Variants in LRRC9 observed in about 807,000 individuals in gnomAD.
The protein encoded by LRRC9 is leucine-rich repeat-containing protein 9.
LRRC9 carries 122 observed loss-of-function variants against 63.2 expected under a neutral mutation model. The ratio of observed to expected loss-of-function variants is 1.93; its 90% CI spans 1.67 to 2.24. LRRC9 has a LOEUF of 2.24. Ranked by LOEUF, LRRC9 falls within the 30% of genes most tolerant of loss-of-function variation. The pLI is 0.00. For synonymous variants in LRRC9, 366 were observed against 213.1 expected (o/e 1.72, Z -6.25); for missense variants, 1,071 against 627.7 (o/e 1.71, Z -7.55).
rs1470301522 is a variant in LRRC9 at position 59,964,046 on chromosome 14, C to A, written c.1212-2543C>A. On this transcript the variant is annotated intron_variant, in intron 10 of 31. Transcript: ENST00000445360. This position sits in a 1 kb window ranked among gnomAD's most constrained non-coding sequence, Gnocchi z 4.4. ...TTGTGAATGTTTATACCTTCAAGTA[C>A]CACTGAATGAATGAGGGTAAGGTAC... Among the ~76,000 whole-genome samples the A allele has an allele frequency of 6.6e-6, 1 of 152,024 alleles. No individual in the cohort carries two copies. Among genetic ancestry groups the A allele is most frequent in the Non-Finnish European group, 1.5e-5 (1 of 68,022 alleles).
chr14:59,971,177 G>C (rs1885451572), intron 12 of LRRC9, among the ~76,000 whole-genome samples: 1 of 152,012 alleles, frequency 6.6e-6, no homozygotes, highest in Non-Finnish European at 1.5e-5. Flanking sequence ...ACCATTTATT[G>C]AATAGGGGTT....
At position 60,003,239 on chromosome 14, in the gene LRRC9, A is replaced by G. The variant is rs1314061945; in HGVS notation, c.2665-382A>G. Among the ~76,000 whole-genome samples the G allele has an allele frequency of 6.6e-6, 1 of 152,202 alleles. No individual in the cohort carries two copies. ...TGGGCTGAGATGGTCAGGCCTTTAT[A>G]GGCTTCCATCACTGGCTGAGGGCCA... is the stretch of plus-strand genomic sequence containing the variant. On this transcript the variant is annotated intron_variant, in intron 20 of 31. Coordinates refer to ENST00000445360, the Ensembl canonical transcript of LRRC9. This position sits in a 1 kb window ranked among gnomAD's most constrained non-coding sequence, Gnocchi z 4.2.
chr14:60,022,569 T>G (rs1266524038), intron 26 of LRRC9, among the ~76,000 whole-genome samples, 165 bp from the exon 27 acceptor site: 1 of 151,802 alleles, frequency 6.6e-6, no homozygotes, highest in African/African-American at 2.4e-5. Context: ...GAATAAGTAT[T>G]ATTATATAAA....
chr14:59,972,955 T>C lies in LRRC9; in HGVS notation c.1507-1621T>C, dbSNP rs186177509. On this transcript the variant is annotated intron_variant, in intron 12 of 31. Transcript: ENST00000445360. ...CTGAAAAATTTTATTATAACACATT[T>C]GTTTTATTGAAATGTAACCATTTGT... 6.6e-4 allele frequency among the ~76,000 whole-genome samples: 100 copies of C among 152,264 alleles called. 4 individuals carry two copies. The Middle Eastern group carries it at 0.02, about 31-fold the overall frequency.
rs1049442195 is a variant in LRRC9 at position 59,958,896 on chromosome 14, G to A, written c.883-922G>A. Among the ~76,000 whole-genome samples, 1 of 152,218 alleles carries A rather than the reference G, an allele frequency of 6.6e-6. No individual in the cohort carries two copies. The highest frequency in any genetic ancestry group is 2.4e-5 in the African/African-American group (1 of 41,454). On this transcript the variant is annotated intron_variant, in intron 8 of 31. Transcript: ENST00000445360. The surrounding 1 kb of genome is among the most constrained non-coding windows in gnomAD (Gnocchi z 4.0). ...CTGCTCCTTGCACTTCCTGGGTGATGTGACACCCCACCCTGCTTCTGCTCA... is the reference window on the plus strand; with the variant it reads ...CTGCTCCTTGCACTTCCTGGGTGATATGACACCCCACCCTGCTTCTGCTCA...
At position 60,027,854 on chromosome 14, in the gene LRRC9, C is replaced by T. The variant is rs1566888978; in HGVS notation, c.3704-30C>T. 2 of 655,178 alleles carry T rather than the reference C, an allele frequency of 3.1e-6. No homozygotes were observed. Among genetic ancestry groups the T allele is most frequent in the Non-Finnish European group, 5.5e-6 (2 of 362,488 alleles). 40.6% of individuals were successfully genotyped at this position (655,178 alleles called of 1,614,324 possible). A position where few individuals can be genotyped will look rare whatever the true frequency, so the allele number is the denominator to read the frequency against. ...CTTTACTTCAGGAAGTTTGGGCTCA[C>T]TTGATATATCATGACTTATCTCTTT... On this transcript the variant is annotated intron_variant, in intron 27 of 31. Transcript: ENST00000445360. This position sits in a 1 kb window ranked among gnomAD's most constrained non-coding sequence, Gnocchi z 4.0.
intron 12 of LRRC9, among the ~76,000 whole-genome samples, chr14:59,970,237 T>G (rs2140022253): frequency 6.6e-6 from 1 of 152,122 alleles, no homozygotes; most frequent in Non-Finnish European, 1.5e-5. Flanking sequence ...GTTCCTGTGT[T>G]AGTTTGCTAA....
chr14:60,050,609 C>A (rs1393128885), intron 29 of LRRC9, among the ~76,000 whole-genome samples: 2 of 152,150 alleles, frequency 1.3e-5, no homozygotes, highest in Non-Finnish European at 2.9e-5. Context: ...TGTGCCCTTG[C>A]TGGTTATTTG....
chr14:59,949,339 G>A (rs535237043), intron 8 of LRRC9, among the ~76,000 whole-genome samples: 1 of 152,130 alleles, frequency 6.6e-6, no homozygotes, highest in Non-Finnish European at 1.5e-5. Flanking sequence ...GTATTTCTGT[G>A]GGATCGGTGA....
intron 9 of LRRC9, 104 bp downstream of exon 9, chr14:59,960,118 A>C: frequency 1.9e-6 from 1 of 528,946 alleles, no homozygotes. Flanking sequence ...AGTATGAACA[A>C]TTACAGTATG....
At chr14:59,928,455 A>T in exon 3 of LRRC9, 1 of 693,008 alleles carries the variant, frequency 1.4e-6, no homozygotes, top group Middle Eastern at 2.7e-4. Flanking sequence ...TTACAACTTA[A>T]AGAACTTTGG....
chr14:59,947,072 G>A (rs1292110761), intron 8 of LRRC9, among the ~76,000 whole-genome samples: 13 of 148,434 alleles, frequency 8.8e-5, no homozygotes, highest in Admixed American at 6.7e-4. Context: ...GATCCCTGAG[G>A]AATCGCCACA....
intron 3 of LRRC9, among the ~76,000 whole-genome samples, chr14:59,929,902 C>CG (rs761533445): frequency 6.6e-5 from 10 of 151,834 alleles, no homozygotes; most frequent in Non-Finnish European, 1.3e-4. Context: ...TAGAGGGGAA[C>CG]GACAGACTCT....
rs1045614588 is a variant in LRRC9 at position 60,060,614 on chromosome 14, G to A, written c.4276+2592G>A. Among the ~76,000 whole-genome samples, 8 of 152,154 alleles carry A rather than the reference G, an allele frequency of 5.3e-5. No homozygotes were observed. Among genetic ancestry groups the A allele is most frequent in the Non-Finnish European group, 8.8e-5 (6 of 67,984 alleles). On this transcript the variant is annotated intron_variant, in intron 31 of 31. Coordinates refer to ENST00000445360, the Ensembl canonical transcript of LRRC9. This position sits in a 1 kb window ranked among gnomAD's most constrained non-coding sequence, Gnocchi z 4.0. Reference sequence around the variant, plus strand: ...AAATTAGCTGGGCATGGTGGCGGGCGCCTGTAGTCCCAGCTACTCGGGAGG... The same window carrying A: ...AAATTAGCTGGGCATGGTGGCGGGCACCTGTAGTCCCAGCTACTCGGGAGG...
intron 8 of LRRC9, among the ~76,000 whole-genome samples, chr14:59,955,831 T>C (rs1008466847): frequency 6.6e-6 from 1 of 152,226 alleles, no homozygotes; most frequent in Admixed American, 6.5e-5. Flanking sequence ...GAGATTCTGG[T>C]ACGTTGTCTC....
In LRRC9 at chr14:60,024,832, C is replaced by A. The variant is rs189335176; in HGVS notation, c.3703+1962C>A. ...TCAACCCTCACCCCCCTCCCATTCT[C>A]CCCCTTTTTGCGGTGTACTTATTGT... On this transcript the variant is annotated intron_variant, in intron 27 of 31. Coordinates refer to ENST00000445360, the Ensembl canonical transcript of LRRC9. 4.0e-5 allele frequency among the ~76,000 whole-genome samples: 6 copies of A among 151,794 alleles called. No homozygotes were observed. In the East Asian group the frequency reaches 9.8e-4, roughly 25 times the overall value.
At position 60,031,491 on chromosome 14, in the gene LRRC9, T is replaced by G. The variant is rs1185881475; in HGVS notation, c.3922-504T>G. Among the ~76,000 whole-genome samples the G allele has an allele frequency of 6.6e-6, 1 of 152,048 alleles. No homozygotes were observed. The highest frequency in any genetic ancestry group is 1.5e-5 in the Non-Finnish European group (1 of 67,950). ...GAAGCTAATAAATAATGCTATGCAA[T>G]AGAGAAGGCAAATTATTTAACATGA... On this transcript the variant is annotated intron_variant, in intron 28 of 31. Transcript: ENST00000445360. The surrounding 1 kb of genome is among the most constrained non-coding windows in gnomAD (Gnocchi z 4.6).
chr14:59,999,168 T>C (rs1173968612), exon 19 of LRRC9: 2 of 701,326 alleles, frequency 2.9e-6, no homozygotes, highest in African/African-American at 3.5e-5. Context: ...GGAGTCTTCA[T>C]TTCTGAAGAA....
intron 16 of LRRC9, among the ~76,000 whole-genome samples, chr14:59,982,587 C>A (rs760253057): frequency 6.6e-6 from 1 of 151,576 alleles, no homozygotes; most frequent in Non-Finnish European, 1.5e-5. Context: ...TAGACCCACT[C>A]CTCTGAAAGT....
Sources: gnomAD v4.1 joint callset for allele counts (sites outside exome capture counted in the v4.1 genomes callset) on GRCh38, gnomAD v4.1.1 for gene constraint, Gnocchi (gnomAD v3.1) non-coding constraint, MANE v1.5 for transcripts, NCBI Gene and HGNC (gene_info 2026-07-23, HGNC 2026-07-21) for gene names.